CSMD3: variants seen among roughly 807,000 people sequenced by gnomAD.
The protein encoded by CSMD3 is CUB and sushi domain-containing protein 3.
A neutral mutation model predicts 435.2 loss-of-function variants in CSMD3; 177 were observed. The ratio of observed to expected loss-of-function variants is 0.41; its 90% confidence interval spans 0.36 to 0.46. The LOEUF (loss-of-function observed/expected upper bound fraction) is 0.46. Among genes scored for constraint, CSMD3 ranks in the 20% least tolerant of loss-of-function variants. CSMD3 has a pLI of 0.34. For synonymous variants in CSMD3, 1,656 were observed against 1,520.5 expected, an observed-to-expected ratio of 1.09 and a Z score of -2.07; for missense variants, 4,265 against 4,504.6, an observed-to-expected ratio of 0.95 and a Z score of 1.52.
chr8:113,225,479 C>T (rs1469379042), intron 3 of CSMD3, among the ~76,000 whole-genome samples: 1 of 151,400 alleles, frequency 6.6e-6, no homozygotes, highest in Non-Finnish European at 1.5e-5. Context: ...AACTGGAAGC[C>T]ATTATCCTTA....
At chr8:112,388,260 A>G (rs1830132976) in intron 36 of CSMD3, among the ~76,000 whole-genome samples, 1 of 152,136 alleles carries the variant, frequency 6.6e-6, no homozygotes, top group Non-Finnish European at 1.5e-5. Context: ...AGAGATAAGG[A>G]GATTGGAGAC....
chr8:113,331,712 T>C lies in CSMD3; in HGVS notation c.179-16919A>G, dbSNP rs562665345. Among the ~76,000 whole-genome samples, 4 of 151,820 alleles carry C rather than the reference T, an allele frequency of 2.6e-5. No homozygotes were observed. The East Asian group carries it at 7.7e-4, about 29-fold the overall frequency. ...TATCCCAATAGAAAAAGAATATATA[T>C]TTTACAAAATTCAACATGCTTTTTA... On this transcript the variant is annotated intron_variant, in intron 1 of 70. Transcript: ENST00000297405.
intron 9 of CSMD3, among the ~76,000 whole-genome samples, chr8:112,932,627 G>GA (rs570591489): frequency 2.3e-4 from 34 of 147,822 alleles, no homozygotes; most frequent in African/African-American, 4.5e-4. Flanking sequence ...GACAGAGCGA[G>GA]AAAAAAAAAA....
intron 38 of CSMD3, among the ~76,000 whole-genome samples, chr8:112,362,035 T>C (rs940542223): frequency 3.3e-5 from 5 of 151,886 alleles, no homozygotes. Flanking sequence ...TCCACATCTA[T>C]CATTATAAAG....
At chr8:112,564,465 A>C (rs2131264816) in intron 24 of CSMD3, among the ~76,000 whole-genome samples, 1 of 148,818 alleles carries the variant, frequency 6.7e-6, no homozygotes, top group South Asian at 2.1e-4. Flanking sequence ...GAAGCCTCTT[A>C]TGTACTGTGT....
At chr8:113,013,332 A>AAT (rs2086328704) in intron 6 of CSMD3, among the ~76,000 whole-genome samples, 1 of 152,098 alleles carries the variant, frequency 6.6e-6, no homozygotes, top group East Asian at 1.9e-4. Flanking sequence ...GTTTCATCAC[A>AAT]ATATTTAAAC....
rs1350037370 is a variant in CSMD3, at chr8:112,494,498, T to C, written c.5084-1815A>G. Among the ~76,000 whole-genome samples the C allele has an allele frequency of 3.4e-4, 7 of 20,772 alleles. 2 individuals carry two copies. The highest frequency in any genetic ancestry group is 7.9e-4 in the Non-Finnish European group (6 of 7,596). 13.6% of individuals were successfully genotyped at this position (20,772 alleles called of 152,430 possible). ...TTTTCTTTTGTTTCTTTCTCTCCTT[T>C]CTTTCTTTCTTTCTTTCTTTCTTTC... On this transcript the variant is annotated intron_variant, in intron 30 of 70. Coordinates refer to ENST00000297405, the MANE Select transcript of CSMD3 (RefSeq NM_198123.2).
chr8:112,553,779 C>T lies in CSMD3; in HGVS notation c.4235-1059G>A, dbSNP rs962333743. Among the ~76,000 whole-genome samples, 5 of 152,006 alleles carry T rather than the reference C, an allele frequency of 3.3e-5. No homozygotes were observed. The East Asian group carries it at 5.8e-4, about 18-fold the overall frequency. ...GGAAAGTTTTAGCATTTGGAAGAGA[C>T]CTGATAACACTAGAATCTAATGGCT... On this transcript the variant is annotated intron_variant, in intron 25 of 70. Coordinates refer to ENST00000297405, the MANE Select transcript of CSMD3 (RefSeq NM_198123.2).
In CSMD3 at chr8:112,636,889, C is replaced by T; in HGVS notation, c.3643G>A (p.Glu1215Lys). 1.9e-6 allele frequency: 3 copies of T among 1,613,366 alleles called. No individual in the cohort carries two copies. The highest frequency in any genetic ancestry group is 2.2e-5 in the East Asian group (1 of 44,836). The change falls in exon 22 of 71, where the codon GAA becomes AAA. Residue 1215 changes from glutamate to lysine, a missense_variant. Physicochemically the swap from Glu to Lys is moderately conservative, Grantham distance 56. Around this residue, in one of 3 missense-constraint regions of CSMD3, gnomAD observed 3,255 missense variants for 3,380.2 expected, o/e 0.96. Coordinates refer to ENST00000297405, the MANE Select transcript of CSMD3 (RefSeq NM_198123.2). ...AGACAGATGATCTCTGATGTTCCTT[C>T]CAGTCGATAACCCGAAGAGCATGAG... The part of the protein sequence containing the change: ...TFSCSSGYRL[E>K]GTSEIICLGG...
chr8:113,377,009 T>C (rs2094388693), intron 1 of CSMD3: 2 of 1,179,330 alleles, frequency 1.7e-6, no homozygotes, highest in South Asian at 2.7e-5. Flanking sequence ...AGCCACATCT[T>C]CTAGGGAGTG....
chr8:112,934,756 C>T (rs989095798), intron 9 of CSMD3, among the ~76,000 whole-genome samples: 6 of 152,092 alleles, frequency 3.9e-5, no homozygotes, highest in Non-Finnish European at 1.5e-5. Context: ...CTAAGACACT[C>T]GGGACACTGT....
intron 9 of CSMD3, among the ~76,000 whole-genome samples, chr8:112,922,551 T>C (rs1344330498): frequency 1.3e-5 from 2 of 151,914 alleles, no homozygotes; most frequent in African/African-American, 2.4e-5. Context: ...CAGCCTCTGG[T>C]AACCATTATT....
rs368693699 is a variant in CSMD3 at position 113,286,188 on chromosome 8, A to G, written c.402-7484T>C. Among the ~76,000 whole-genome samples, 70 of 152,252 alleles carry G rather than the reference A, an allele frequency of 4.6e-4. 2 individuals carry two copies. The South Asian group carries it at 0.014, about 30-fold the overall frequency. On this transcript the variant is annotated intron_variant, in intron 2 of 70. Coordinates refer to ENST00000297405, the MANE Select transcript of CSMD3 (RefSeq NM_198123.2). The stretch of plus-strand genomic sequence containing the variant: ...TTGTTCCCTGTTTGAAAAATCATGC[A>G]CTTAGAACATGTGATCCTGTCTCTT...
At chr8:112,482,408 GT>G (rs1310883773) in intron 31 of CSMD3, among the ~76,000 whole-genome samples, 1 of 152,148 alleles carries the variant, frequency 6.6e-6, no homozygotes, top group Non-Finnish European at 1.5e-5. Context: ...AAAATTCACT[GT>G]TTTAAAGTGT....
chr8:112,625,352 G>GA, intron 22 of CSMD3, among the ~76,000 whole-genome samples: 1 of 151,896 alleles, frequency 6.6e-6, no homozygotes. Context: ...TATATTATCA[G>GA]AAAAACAAAG....
intron 4 of CSMD3, among the ~76,000 whole-genome samples, chr8:113,164,957 GT>G (rs2092121902): frequency 6.6e-6 from 1 of 152,068 alleles, no homozygotes; most frequent in African/African-American, 2.4e-5. Context: ...TCCTCCATTG[GT>G]TTATTCTAAT....
intron 1 of CSMD3, among the ~76,000 whole-genome samples, chr8:113,416,819 A>G (rs192654718): frequency 8.7e-4 from 133 of 152,232 alleles, no homozygotes; most frequent in African/African-American, 3.1e-3. Flanking sequence ...AAACATAACT[A>G]AAAATATATT....
intron 36 of CSMD3, among the ~76,000 whole-genome samples, chr8:112,388,296 T>C (rs1830134223): frequency 6.6e-6 from 1 of 151,966 alleles, no homozygotes; most frequent in Non-Finnish European, 1.5e-5. Flanking sequence ...TACAAGAAAA[T>C]GATAGTATTA....
intron 22 of CSMD3, among the ~76,000 whole-genome samples, chr8:112,590,239 G>T (rs915931357): frequency 6.6e-6 from 1 of 152,056 alleles, no homozygotes; most frequent in African/African-American, 2.4e-5. Flanking sequence ...AAGGATGGAT[G>T]TCTATCATAC....
Sources: gnomAD v4.1 joint callset for allele counts (sites outside exome capture counted in the v4.1 genomes callset) on GRCh38, gnomAD v4.1.1 for gene constraint, gnomAD v4.1.1 regional missense constraint, MANE v1.5 for transcripts, NCBI Gene and HGNC (gene_info 2026-07-23, HGNC 2026-07-21) for gene names.